EIPR1: variants seen among roughly 807,000 people sequenced by gnomAD.
EIPR1 encodes EARP complex and GARP complex interacting protein 1, also known as EARP and GARP complex-interacting protein 1.
A neutral mutation model predicts 48.1 loss-of-function variants in EIPR1; 25 were observed. The observed-to-expected ratio is 0.52, with a 90% CI of 0.38 to 0.73. The LOEUF (loss-of-function observed/expected upper bound fraction) is 0.73. Among genes scored for constraint, EIPR1 ranks in the 30% least tolerant of loss-of-function variants. The pLI is 0.00. For missense variants in EIPR1, 415 were observed against 506.2 expected (o/e 0.82, Z 1.73); for synonymous variants, 204 against 201.9 (o/e 1.01, Z -0.09).
chr2:3,320,228 G>A, intron 3 of EIPR1: 1 of 174,422 alleles, frequency 5.7e-6, no homozygotes, highest in Non-Finnish European at 1.2e-5. Flanking sequence ...TAACACACCT[G>A]CAGCCAACAC....
intron 3 of EIPR1, among the ~76,000 whole-genome samples, chr2:3,337,714 TAC>T (rs1263708863): frequency 6.6e-6 from 1 of 152,180 alleles, no homozygotes; most frequent in Non-Finnish European, 1.5e-5. Flanking sequence ...CCCCACAACG[TAC>T]AGTTTCCACA....
intron 3 of EIPR1, among the ~76,000 whole-genome samples, chr2:3,308,319 T>C (rs1325853867): frequency 1.3e-5 from 2 of 152,058 alleles, no homozygotes; most frequent in Admixed American, 1.3e-4. Context: ...GATGCTTCCA[T>C]GAGGGACTCT....
chr2:3,200,959 C>T (rs995158199), intron 5 of EIPR1, among the ~76,000 whole-genome samples: 3 of 152,132 alleles, frequency 2.0e-5, no homozygotes, highest in African/African-American at 4.8e-5. Context: ...CGCATGGTGA[C>T]GGCAGCATGT....
At chr2:3,217,916 A>G (rs909636323) in intron 4 of EIPR1, among the ~76,000 whole-genome samples, 5 of 152,120 alleles carry the variant, frequency 3.3e-5, no homozygotes, top group African/African-American at 1.2e-4. Flanking sequence ...AGGAGGTTTC[A>G]CTCCCCAACC....
intron 3 of EIPR1, among the ~76,000 whole-genome samples, chr2:3,291,896 G>C (rs915281032): frequency 6.6e-6 from 1 of 152,248 alleles, no homozygotes; most frequent in African/African-American, 2.4e-5. Context: ...GTCACAGCAG[G>C]TGGCACAGCT....
chr2:3,320,381 AC>A (rs1168759908), intron 3 of EIPR1: 1 of 162,448 alleles, frequency 6.2e-6, no homozygotes, highest in East Asian at 1.9e-4. Flanking sequence ...GGAAAACACC[AC>A]ACCTGCGGAC....
At chr2:3,372,885 C>G (rs1402277382) in intron 1 of EIPR1, among the ~76,000 whole-genome samples, 1 of 151,982 alleles carries the variant, frequency 6.6e-6, no homozygotes, top group Non-Finnish European at 1.5e-5. Flanking sequence ...TTTTATTAGG[C>G]CAGCATCATC....
intron 4 of EIPR1, among the ~76,000 whole-genome samples, chr2:3,240,247 C>T (rs66573357): frequency 1.2e-5 from 1 of 81,966 alleles, no homozygotes; most frequent in South Asian, 4.6e-4. Flanking sequence ...CTTCCTAAAG[C>T]AAAGCCAGCA....
chr2:3,336,901 AAAGG>A (rs1317140527), intron 3 of EIPR1, among the ~76,000 whole-genome samples: 20 of 63,608 alleles, frequency 3.1e-4, no homozygotes, highest in African/African-American at 8.9e-4. Flanking sequence ...AGGGAAGGGA[AAAGG>A]GAAGGGAAGG....
At chr2:3,303,013 A>T (rs143241056) in intron 3 of EIPR1, among the ~76,000 whole-genome samples, 1 of 152,132 alleles carries the variant, frequency 6.6e-6, no homozygotes, top group African/African-American at 2.4e-5. Context: ...AGAGTTGTGG[A>T]GATTAAATAT....
In EIPR1 at chr2:3,216,902, A is replaced by T. The variant is rs187356551; in HGVS notation, c.417-2654T>A. Reference sequence around the variant, plus strand: ...TACATTTGGATTTGGAAAATAGTCAACAACTCTAGAATGAGGAAATGTTTT... The same window carrying T: ...TACATTTGGATTTGGAAAATAGTCATCAACTCTAGAATGAGGAAATGTTTT... On this transcript the variant is annotated intron_variant, in intron 4 of 8. Transcript: ENST00000382125. Among the ~76,000 whole-genome samples the T allele has an allele frequency of 5.6e-3, 858 of 152,374 alleles. 2 individuals carry two copies. The highest frequency in any genetic ancestry group is 0.02 in the Middle Eastern group (6 of 294).
At chr2:3,356,157 C>T (rs912880380) in intron 1 of EIPR1, among the ~76,000 whole-genome samples, 3 of 152,184 alleles carry the variant, frequency 2.0e-5, no homozygotes, top group African/African-American at 7.2e-5. Context: ...GCCAGATGGC[C>T]GGGGTTTTAT....
At chr2:3,299,047 A>T (rs1470356258) in intron 3 of EIPR1, among the ~76,000 whole-genome samples, 1 of 152,182 alleles carries the variant, frequency 6.6e-6, no homozygotes, top group Non-Finnish European at 1.5e-5. Context: ...AAGCCCCACC[A>T]TAGCACTATT....
chr2:3,206,970 G>T (rs1282630823), intron 5 of EIPR1, among the ~76,000 whole-genome samples: 1 of 152,164 alleles, frequency 6.6e-6, no homozygotes, highest in Non-Finnish European at 1.5e-5. Context: ...CTGGCTTTGG[G>T]GAAAGTCATT....
At chr2:3,352,514 G>C (rs1054732172) in intron 2 of EIPR1, among the ~76,000 whole-genome samples, 2 of 152,152 alleles carry the variant, frequency 1.3e-5, no homozygotes, top group African/African-American at 4.8e-5. Flanking sequence ...CACCCACACT[G>C]TCTGTTCCTG....
At chr2:3,296,035 C>A (rs1668572870) in intron 3 of EIPR1, among the ~76,000 whole-genome samples, 1 of 127,298 alleles carries the variant, frequency 7.9e-6, no homozygotes, top group African/African-American at 3.0e-5. Context: ...CCCATCCTCT[C>A]TACTCACACA....
At chr2:3,365,353 T>C (rs1558321917) in intron 1 of EIPR1, among the ~76,000 whole-genome samples, 2 of 152,100 alleles carry the variant, frequency 1.3e-5, no homozygotes, top group African/African-American at 4.8e-5. Flanking sequence ...AGGCTTGTAG[T>C]CTCGGCTACT....
At chr2:3,339,957 A>G (rs531537121) in intron 2 of EIPR1, among the ~76,000 whole-genome samples, 1 of 152,278 alleles carries the variant, frequency 6.6e-6, no homozygotes, top group African/African-American at 2.4e-5. Context: ...CTCAACAACA[A>G]CAAAAAAACT....
chr2:3,317,731 A>G (rs879263957), intron 3 of EIPR1, among the ~76,000 whole-genome samples: 6 of 152,202 alleles, frequency 3.9e-5, no homozygotes, highest in Non-Finnish European at 8.8e-5. Flanking sequence ...AGGTTAGAGG[A>G]GGTCATCAGG....
Sources: allele counts gnomAD v4.1 joint callset (sites outside exome capture counted in the v4.1 genomes callset), GRCh38; gene constraint gnomAD v4.1.1; transcripts MANE v1.5; gene names NCBI Gene and HGNC (gene_info 2026-07-23, HGNC 2026-07-21).